Variants in NRG3 observed in about 807,000 individuals in gnomAD.
The protein encoded by NRG3 is neuregulin 3, also known as pro-neuregulin-3, membrane-bound isoform.
NRG3 carries 31 observed loss-of-function variants against 66.9 expected under a neutral mutation model. That is an observed-to-expected ratio of 0.46 (90% CI 0.35 to 0.63). NRG3 has a LOEUF of 0.63. Ranked by LOEUF, NRG3 falls within the 20% of genes least tolerant of loss-of-function variation. The pLI, the probability that NRG3 is intolerant of heterozygous loss-of-function variation, is 0.00. For synonymous variants in NRG3, 393 were observed against 359.4 expected, an observed-to-expected ratio of 1.09 and a Z score of -1.06; for missense variants, 910 against 878.9, an observed-to-expected ratio of 1.04 and a Z score of -0.45.
intron 1 of NRG3, among the ~76,000 whole-genome samples, chr10:82,137,283 C>T (rs1422165466): frequency 6.6e-6 from 1 of 152,222 alleles, no homozygotes; most frequent in Admixed American, 6.5e-5. Context: ...AACCAACTCT[C>T]TGCTCTGAGC....
At chr10:82,456,210 C>T (rs918442656) in intron 2 of NRG3, among the ~76,000 whole-genome samples, 2 of 141,252 alleles carry the variant, frequency 1.4e-5, no homozygotes, top group South Asian at 2.3e-4. Context: ...GTGGTGTGAT[C>T]ATGGCTCACT....
At chr10:82,420,326 T>C (rs1443649547) in intron 2 of NRG3, among the ~76,000 whole-genome samples, 1 of 152,138 alleles carries the variant, frequency 6.6e-6, no homozygotes, top group Non-Finnish European at 1.5e-5. Flanking sequence ...GATGCAATGA[T>C]TTCACACTAA....
At chr10:82,147,291 G>A (rs551029195) in intron 1 of NRG3, among the ~76,000 whole-genome samples, 2 of 152,134 alleles carry the variant, frequency 1.3e-5, no homozygotes, top group African/African-American at 2.4e-5. Flanking sequence ...TATAAGTGGT[G>A]CAGCTTGGAT....
chr10:82,692,306 A>G (rs1390050486), intron 2 of NRG3, among the ~76,000 whole-genome samples: 1 of 152,036 alleles, frequency 6.6e-6, no homozygotes, highest in Non-Finnish European at 1.5e-5. Context: ...AACTAGATAT[A>G]GAGAATGTAT....
rs191753678 is a variant in NRG3, at chr10:82,028,842, C to T, written c.823+152679C>T. Among the ~76,000 whole-genome samples, 434 of 152,226 alleles carry T rather than the reference C, an allele frequency of 2.9e-3. 3 individuals are homozygous for T. Among genetic ancestry groups the T allele is most frequent in the African/African-American group, 9.7e-3 (402 of 41,566 alleles). ...TCACCCCGTAAGGATTTATGTGGAGCTCACTCACAAATACTTTCATAACTG... is the reference window on the plus strand; with the variant it reads ...TCACCCCGTAAGGATTTATGTGGAGTTCACTCACAAATACTTTCATAACTG... On this transcript the variant is annotated intron_variant, in intron 1 of 8. Coordinates refer to ENST00000372141, the MANE Select transcript of NRG3 (RefSeq NM_001010848.4).
chr10:82,404,928 C>G (rs2087387906), intron 2 of NRG3, among the ~76,000 whole-genome samples: 1 of 152,122 alleles, frequency 6.6e-6, no homozygotes, highest in East Asian at 1.9e-4. Context: ...GAGTGCTTTA[C>G]AAAGACTTGC....
chr10:81,958,591 A>C (rs1383297046), intron 1 of NRG3, among the ~76,000 whole-genome samples: 1 of 152,162 alleles, frequency 6.6e-6, no homozygotes, highest in African/African-American at 2.4e-5. Flanking sequence ...TAAAGTACAG[A>C]TATACATATA....
intron 2 of NRG3, among the ~76,000 whole-genome samples, chr10:82,558,020 T>C (rs2044764016): frequency 6.6e-6 from 1 of 152,148 alleles, no homozygotes; most frequent in Non-Finnish European, 1.5e-5. Flanking sequence ...AGGAAGGTCC[T>C]TTCTCCACCT....
chr10:82,230,856 A>C (rs2133881031), intron 1 of NRG3, among the ~76,000 whole-genome samples: 1 of 152,302 alleles, frequency 6.6e-6, no homozygotes, highest in South Asian at 2.1e-4. Flanking sequence ...CTGAAGGCAA[A>C]AAAATGCCAC....
chr10:82,900,013 T>A (rs1439418948), intron 4 of NRG3, among the ~76,000 whole-genome samples: 1 of 152,156 alleles, frequency 6.6e-6, no homozygotes, highest in African/African-American at 2.4e-5. Context: ...GGAAATGTAG[T>A]GACATCTGCT....
At chr10:82,266,055 T>TG (rs1205746795) in intron 1 of NRG3, among the ~76,000 whole-genome samples, 1 of 152,154 alleles carries the variant, frequency 6.6e-6, no homozygotes, top group Non-Finnish European at 1.5e-5. Context: ...CATGATGGCA[T>TG]GCCTTGAGTG....
intron 1 of NRG3, among the ~76,000 whole-genome samples, chr10:81,923,244 A>C (rs1438364267): frequency 6.6e-6 from 1 of 152,086 alleles, no homozygotes; most frequent in Non-Finnish European, 1.5e-5. Context: ...TTACTTACTC[A>C]ATCGAATTTG....
chr10:82,459,504 C>T (rs2136695171), intron 2 of NRG3, among the ~76,000 whole-genome samples: 1 of 152,318 alleles, frequency 6.6e-6, no homozygotes, highest in African/African-American at 2.4e-5. Flanking sequence ...ACAGCTGACC[C>T]AATCCCTGAC....
At chr10:81,929,113 C>T (rs1278097961) in intron 1 of NRG3, among the ~76,000 whole-genome samples, 3 of 152,114 alleles carry the variant, frequency 2.0e-5, no homozygotes, top group African/African-American at 7.2e-5. Flanking sequence ...AGGTGTGAGC[C>T]ACCACAGGGC....
intron 1 of NRG3, among the ~76,000 whole-genome samples, chr10:82,287,380 A>G (rs1419871853): frequency 6.6e-6 from 1 of 151,890 alleles, no homozygotes; most frequent in Non-Finnish European, 1.5e-5. Context: ...GGCTGATGCC[A>G]GTACCATGCT....
At chr10:81,973,556 C>T (rs564792733) in intron 1 of NRG3, among the ~76,000 whole-genome samples, 5 of 152,236 alleles carry the variant, frequency 3.3e-5, no homozygotes, top group Admixed American at 2.6e-4. Context: ...TACTCTGCAA[C>T]CTTGACAGCA....
intron 1 of NRG3, among the ~76,000 whole-genome samples, chr10:81,999,863 G>C (rs2061094407): frequency 6.6e-6 from 1 of 152,118 alleles, no homozygotes; most frequent in Admixed American, 6.6e-5. Flanking sequence ...CTGAGACACA[G>C]GGAGTATAAA....
Position 82,630,676 on chromosome 10 carries a change from C to CA in NRG3, c.954-107889dup, listed in dbSNP as rs376169434. 1.4e-3 allele frequency among the ~76,000 whole-genome samples: 183 copies of CA among 132,524 alleles called. 1 individual carries two copies. Among genetic ancestry groups the CA allele is most frequent in the East Asian group, 5.2e-3 (24 of 4,582 alleles). The allele number at this position is 132,524 out of a possible 152,430, so 86.9% of individuals were successfully genotyped here. A position where few individuals can be genotyped will look rare whatever the true frequency, so the allele number is the denominator to read the frequency against. On this transcript the variant is annotated intron_variant, in intron 2 of 8. Coordinates refer to ENST00000372141, the MANE Select transcript of NRG3 (RefSeq NM_001010848.4). ...CTGGTTGACAAGAGTGAAACTCTGT[C>CA]AAAAAAAAAAAATTAAGTTGAAATA...
At chr10:82,273,360 G>A (rs552283737) in intron 1 of NRG3, among the ~76,000 whole-genome samples, 1 of 151,752 alleles carries the variant, frequency 6.6e-6, no homozygotes, top group Non-Finnish European at 1.5e-5. Context: ...AAAGTACAAG[G>A]GTGATGTTTT....
Sources: allele counts gnomAD v4.1 joint callset (sites outside exome capture counted in the v4.1 genomes callset), GRCh38; gene constraint gnomAD v4.1.1; transcripts MANE v1.5; gene names NCBI Gene and HGNC (gene_info 2026-07-23, HGNC 2026-07-21).